Variants in ROBO2 observed in about 807,000 individuals in gnomAD.
The protein encoded by ROBO2 is roundabout guidance receptor 2, also known as roundabout homolog 2.
Under a neutral mutation model 160.8 loss-of-function variants are expected in ROBO2, and 53 were observed. The observed-to-expected ratio is 0.33, with a 90% confidence interval of 0.26 to 0.41. The LOEUF is 0.41. ROBO2 is among the 10% of genes least tolerant of loss of function. The pLI, the probability that ROBO2 is intolerant of heterozygous loss-of-function variation, is 1.00. For missense variants in ROBO2, 1,577 were observed against 1,722.4 expected, an observed-to-expected ratio of 0.92 and a Z score of 1.49; for synonymous variants, 664 against 611.7, an observed-to-expected ratio of 1.09 and a Z score of -1.26.
chr3:77,024,251 A>C (rs1047726394), intron 2 of ROBO2, among the ~76,000 whole-genome samples: 1 of 152,166 alleles, frequency 6.6e-6, no homozygotes, highest in African/African-American at 2.4e-5. Flanking sequence ...GTTTAGAGGG[A>C]ATCCATTGGA....
chr3:76,097,724 C>G (rs2069513087), intron 2 of ROBO2, among the ~76,000 whole-genome samples: 1 of 152,132 alleles, frequency 6.6e-6, no homozygotes, highest in Non-Finnish European at 1.5e-5. Context: ...AGCGAATACA[C>G]ATACACAAGT....
Position 76,524,160 on chromosome 3 carries a change from G to A in ROBO2, c.110-573854G>A, listed in dbSNP as rs556120112. 3.3e-5 allele frequency among the ~76,000 whole-genome samples: 5 copies of A among 152,122 alleles called. No homozygotes were observed. In the East Asian group the frequency reaches 9.6e-4, roughly 29 times the overall value. Reference sequence around the variant, plus strand: ...TCATAACAGATGTTAATGAACTTGTGAATTTGTGTACAAATCCTGTTTATG... The same window carrying A: ...TCATAACAGATGTTAATGAACTTGTAAATTTGTGTACAAATCCTGTTTATG... On this transcript the variant is annotated intron_variant, in intron 2 of 26. Coordinates refer to the ROBO2 transcript ENST00000487694.
At position 77,614,101 on chromosome 3, in the gene ROBO2, G is replaced by T. The variant is rs768661028; in HGVS notation, c.3294-3412G>T. On this transcript the variant is annotated intron_variant, in intron 21 of 25. Transcript: ENST00000461745. The stretch of plus-strand genomic sequence containing the variant: ...AAAACTGTCTGAAAAGGTAGATTGC[G>T]GCTTAGACATATTCAATGGATGGAA... Among the ~76,000 whole-genome samples, 8 of 152,262 alleles carry T rather than the reference G, an allele frequency of 5.3e-5. No homozygotes were observed. In the East Asian group the frequency reaches 1.2e-3, roughly 22 times the overall value.
intron 23 of ROBO2, among the ~76,000 whole-genome samples, chr3:77,625,655 C>A (rs768096557): frequency 6.6e-6 from 1 of 152,122 alleles, no homozygotes; most frequent in Non-Finnish European, 1.5e-5. Context: ...GGATTACAGG[C>A]GTGAGCCACT....
chr3:76,574,752 C>A (rs7641197), intron 2 of ROBO2, among the ~76,000 whole-genome samples: 47,705 of 151,844 alleles, frequency 0.31, 7,769 homozygotes, highest in Middle Eastern at 0.43. Context: ...TGTGTAAACA[C>A]CTCACTGGGG....
chr3:77,344,202 A>T (rs1016929182), intron 2 of ROBO2, among the ~76,000 whole-genome samples: 2 of 152,156 alleles, frequency 1.3e-5, no homozygotes, highest in Non-Finnish European at 2.9e-5. Context: ...GAATGACAAA[A>T]AAGAGTCAGC....
intron 2 of ROBO2, among the ~76,000 whole-genome samples, chr3:76,572,497 G>A (rs2085018780): frequency 6.6e-6 from 1 of 152,092 alleles, no homozygotes; most frequent in Admixed American, 6.6e-5. Context: ...CTCCATCATC[G>A]ACATTTAGTC....
intron 2 of ROBO2, among the ~76,000 whole-genome samples, chr3:77,344,028 A>T (rs1041356771): frequency 2.0e-5 from 3 of 152,166 alleles, no homozygotes; most frequent in Non-Finnish European, 2.9e-5. Flanking sequence ...AGGTGAGGAG[A>T]TAATTAATAA....
chr3:76,355,654 C>G (rs2075118119), intron 2 of ROBO2, among the ~76,000 whole-genome samples: 1 of 151,690 alleles, frequency 6.6e-6, no homozygotes. Context: ...ACCTGCATAG[C>G]AATCTGAGAT....
intron 2 of ROBO2, among the ~76,000 whole-genome samples, chr3:75,953,387 C>CAGCT (rs1445755824): frequency 7.2e-5 from 11 of 151,866 alleles, no homozygotes; most frequent in African/African-American, 2.7e-4. Flanking sequence ...CCATATTTGA[C>CAGCT]AGCTGTATTT....
At chr3:76,476,997 T>C (rs541581417) in intron 2 of ROBO2, among the ~76,000 whole-genome samples, 1 of 152,288 alleles carries the variant, frequency 6.6e-6, no homozygotes, top group African/African-American at 2.4e-5. Flanking sequence ...CAGTACCAGG[T>C]TCATATTCTG....
intron 2 of ROBO2, among the ~76,000 whole-genome samples, chr3:76,218,384 C>G (rs920766649): frequency 2.0e-5 from 3 of 152,148 alleles, no homozygotes; most frequent in African/African-American, 7.2e-5. Context: ...TCCCTGTTTG[C>G]AGATGAAGTG....
intron 2 of ROBO2, among the ~76,000 whole-genome samples, chr3:76,803,433 G>GGAAGGA (rs1560590505): frequency 1.6e-4 from 21 of 128,714 alleles, no homozygotes; most frequent in Middle Eastern, 3.9e-3. Flanking sequence ...TACAAAAGAG[G>GGAAGGA]AGGAAGGATG....
At chr3:77,300,006 T>A (rs183464746) in intron 2 of ROBO2, among the ~76,000 whole-genome samples, 104 of 152,110 alleles carry the variant, frequency 6.8e-4, no homozygotes, top group Admixed American at 5.5e-3. Flanking sequence ...TGGAAAAAAA[T>A]ACCTCACTCT....
At chr3:76,511,441 C>T (rs1004584873) in intron 2 of ROBO2, among the ~76,000 whole-genome samples, 3 of 152,216 alleles carry the variant, frequency 2.0e-5, no homozygotes, top group Non-Finnish European at 4.4e-5. Flanking sequence ...TTCTGCTCAT[C>T]CTTCAGCTGA....
chr3:76,912,392 TTTG>T (rs1321422958), intron 2 of ROBO2, among the ~76,000 whole-genome samples: 1 of 152,196 alleles, frequency 6.6e-6, no homozygotes, highest in Non-Finnish European at 1.5e-5. Context: ...CTTGTAGTTT[TTTG>T]CAATAATAAT....
At chr3:76,514,743 G>A (rs970102963) in intron 2 of ROBO2, among the ~76,000 whole-genome samples, 1 of 151,956 alleles carries the variant, frequency 6.6e-6, no homozygotes, top group Non-Finnish European at 1.5e-5. Context: ...GCTACCATAT[G>A]CACTTACAGT....
chr3:77,465,765 G>A (rs1289854017), intron 2 of ROBO2, among the ~76,000 whole-genome samples: 1 of 152,094 alleles, frequency 6.6e-6, no homozygotes, highest in South Asian at 2.1e-4. Context: ...AAGATACTCA[G>A]TATCTGTTGT....
chr3:76,887,194 ATTTTTTT>A (rs5850296), intron 2 of ROBO2, among the ~76,000 whole-genome samples: 13 of 76,578 alleles, frequency 1.7e-4, no homozygotes, highest in African/African-American at 2.5e-4. Flanking sequence ...TTCAGGAAGC[ATTTTTTT>A]TTTTTTTTTT....
Sources: allele counts gnomAD v4.1 joint callset (sites outside exome capture counted in the v4.1 genomes callset), GRCh38; gene constraint gnomAD v4.1.1; transcripts MANE v1.5; gene names NCBI Gene and HGNC (gene_info 2026-07-23, HGNC 2026-07-21).